PPP1R9A: variants seen among roughly 807,000 people sequenced by gnomAD.
PPP1R9A encodes neurabin-1.
In PPP1R9A, 59 loss-of-function variants were observed where a neutral mutation model predicts 141.9. The observed-to-expected ratio is 0.42, with a 90% CI of 0.34 to 0.52. The LOEUF is 0.52. Among genes scored for constraint, PPP1R9A ranks in the 20% least tolerant of loss-of-function variants. The probability of loss-of-function intolerance (pLI) is 0.10; values close to 1 mark genes in which losing one functional copy is unlikely to be tolerated. For missense variants in PPP1R9A, 1,444 were observed against 1,611.9 expected (o/e 0.90, Z 1.78); for synonymous variants, 500 against 569.7 (o/e 0.88, Z 1.74).
intron 2 of PPP1R9A, among the ~76,000 whole-genome samples, chr7:94,983,895 C>T (rs1448786297): frequency 1.3e-5 from 2 of 152,164 alleles, no homozygotes; most frequent in African/African-American, 2.4e-5. Context: ...GAGAGGGCAT[C>T]CCTGTCTTGT....
intron 2 of PPP1R9A, among the ~76,000 whole-genome samples, chr7:94,974,743 A>G (rs1398073510): frequency 6.6e-6 from 1 of 152,238 alleles, no homozygotes; most frequent in African/African-American, 2.4e-5. Context: ...ACTGGATAAC[A>G]GCATTTTCAA....
At chr7:95,174,391 G>A (rs1264584246) in intron 5 of PPP1R9A, among the ~76,000 whole-genome samples, 2 of 152,056 alleles carry the variant, frequency 1.3e-5, no homozygotes, top group African/African-American at 4.8e-5. Context: ...AAGAAGGAAG[G>A]ACCATTTCTG....
chr7:95,227,287 C>G (rs965253257), intron 8 of PPP1R9A, among the ~76,000 whole-genome samples: 61 of 152,316 alleles, frequency 4.0e-4, no homozygotes, highest in African/African-American at 1.3e-3. Context: ...ACAGCTCTTT[C>G]ATTTTACCAG....
intron 2 of PPP1R9A, among the ~76,000 whole-genome samples, chr7:95,083,589 A>AGTGGTTCCAG (rs920825718): frequency 5.3e-5 from 8 of 151,922 alleles, no homozygotes; most frequent in Non-Finnish European, 1.0e-4. Flanking sequence ...TAGGAAACAT[A>AGTGGTTCCAG]GTGGTTCCAG....
chr7:95,162,322 A>T (rs962379399), intron 5 of PPP1R9A, among the ~76,000 whole-genome samples: 4 of 152,212 alleles, frequency 2.6e-5, no homozygotes, highest in African/African-American at 9.6e-5. Context: ...TGAAATGATT[A>T]TACATATATT....
intron 2 of PPP1R9A, chr7:95,098,288 T>C (rs895072662): frequency 2.6e-5 from 4 of 152,154 alleles, no homozygotes; most frequent in Admixed American, 6.5e-5. Context: ...TTATAGCTAA[T>C]TGAAGACTTT....
chr7:95,294,861 T>C lies in PPP1R9A; in HGVS notation c.*4558T>C, dbSNP rs541766036. ...CTATGTGGGCCTATTGAGGGAATGG[T>C]AGTTACTTGAAGGTTCACATATGTA... On this transcript the variant is annotated 3_prime_UTR_variant, in exon 20 of 20. Coordinates refer to ENST00000433360, the MANE Select transcript of PPP1R9A (RefSeq NM_001166160.2). The C allele has an allele frequency of 2.0e-5, 3 of 152,458 alleles. No individual in the cohort carries two copies. In the East Asian group the frequency reaches 5.8e-4, roughly 29 times the overall value. 9.4% of individuals were successfully genotyped at this position (152,458 alleles called of 1,614,324 possible). A position where few individuals can be genotyped will look rare whatever the true frequency, so the allele number is the denominator to read the frequency against.
At chr7:95,068,151 A>T (rs1019545097) in intron 2 of PPP1R9A, among the ~76,000 whole-genome samples, 11 of 152,118 alleles carry the variant, frequency 7.2e-5, no homozygotes, top group African/African-American at 2.7e-4. Context: ...AGAAGTAACG[A>T]CTGTTAGCAA....
At chr7:95,164,730 T>C (rs1309274315) in intron 5 of PPP1R9A, among the ~76,000 whole-genome samples, 1 of 136,946 alleles carries the variant, frequency 7.3e-6, no homozygotes, top group African/African-American at 2.8e-5. Context: ...TGGTTTTTTT[T>C]CTTTTCTTTT....
At position 94,911,294 on chromosome 7, in the gene PPP1R9A, A is replaced by G; in HGVS notation, c.1181A>G (p.His394Arg). 6.2e-7 allele frequency: 1 copy of G among 1,614,174 alleles called. No homozygotes were observed. Among genetic ancestry groups the G allele is most frequent in the Non-Finnish European group, 8.5e-7 (1 of 1,180,010 alleles). Residue 394 changes from histidine (H) to arginine (R), a missense_variant, in exon 2 of 20, where the codon CAT (histidine) becomes CGT (arginine). Around this residue, in one of 5 missense-constraint regions of PPP1R9A, gnomAD observed 490 missense variants for 521.1 expected, o/e 0.94. Coordinates refer to ENST00000433360, the MANE Select transcript of PPP1R9A (RefSeq NM_001166160.2). ...GATTCAAATAATTTTGATGGTTCCC[A>G]TGTGTACATGCACAGTGACTATAAT... ...PEDSNNFDGS[H>R]VYMHSDYNVY...
intron 2 of PPP1R9A, among the ~76,000 whole-genome samples, chr7:95,004,500 TATGAGTACCGACTTAATGA>T (rs1162871635): frequency 6.6e-6 from 1 of 152,152 alleles, no homozygotes; most frequent in African/African-American, 2.4e-5. Flanking sequence ...TTAACTAATC[TATGAGTACCGACTTAATGA>T]ATGAGTTCCA....
At chr7:95,066,186 C>A (rs1016657959) in intron 2 of PPP1R9A, among the ~76,000 whole-genome samples, 1 of 152,112 alleles carries the variant, frequency 6.6e-6, no homozygotes, top group Non-Finnish European at 1.5e-5. Flanking sequence ...ACATACTTAG[C>A]GGTATTTGCA....
intron 8 of PPP1R9A, among the ~76,000 whole-genome samples, chr7:95,236,840 CAT>C (rs1384559727): frequency 9.2e-5 from 14 of 151,646 alleles, no homozygotes; most frequent in South Asian, 2.1e-4. Flanking sequence ...GCTTTAACTA[CAT>C]GTCACAATTT....
chr7:95,154,252 T>C (rs1197626085), intron 4 of PPP1R9A, among the ~76,000 whole-genome samples: 2 of 152,116 alleles, frequency 1.3e-5, no homozygotes, highest in African/African-American at 2.4e-5. Flanking sequence ...TTATATTTGC[T>C]GCTTAATTTC....
At chr7:95,287,996 A>G (rs1805661560) in intron 18 of PPP1R9A, among the ~76,000 whole-genome samples, 1 of 151,970 alleles carries the variant, frequency 6.6e-6, no homozygotes, top group Admixed American at 6.6e-5. Context: ...CCATTTCCTC[A>G]TTTCTTGAAA....
chr7:94,946,457 G>A (rs1206432123), intron 2 of PPP1R9A, among the ~76,000 whole-genome samples: 1 of 151,880 alleles, frequency 6.6e-6, no homozygotes, highest in Non-Finnish European at 1.5e-5. Flanking sequence ...TCAGAATCAT[G>A]GTTTAGGGAT....
intron 17 of PPP1R9A, 147 bp from the exon 18 acceptor site, chr7:95,286,059 A>G: frequency 7.6e-7 from 1 of 1,320,360 alleles, no homozygotes; most frequent in Non-Finnish European, 1.0e-6. Flanking sequence ...AGCATTCTCA[A>G]CCGCTGCCCC....
chr7:94,966,574 A>ATGTGGTTTT (rs1400101522), intron 2 of PPP1R9A, among the ~76,000 whole-genome samples: 1 of 152,158 alleles, frequency 6.6e-6, no homozygotes, highest in Non-Finnish European at 1.5e-5. Flanking sequence ...TGAGATAATC[A>ATGTGGTTTT]TGTGGTTTTT....
At chr7:95,100,210 G>T (rs558092768) in intron 2 of PPP1R9A, among the ~76,000 whole-genome samples, 4 of 151,868 alleles carry the variant, frequency 2.6e-5, no homozygotes, top group African/African-American at 9.7e-5. Flanking sequence ...GTTTGACCCC[G>T]GGAGTTTGAG....
Sources: allele counts gnomAD v4.1 joint callset (sites outside exome capture counted in the v4.1 genomes callset), GRCh38; gene constraint gnomAD v4.1.1; regional missense constraint gnomAD v4.1.1; transcripts MANE v1.5; gene names NCBI Gene and HGNC (gene_info 2026-07-23, HGNC 2026-07-21).